MEF2C: variants seen among roughly 807,000 people sequenced by gnomAD.
MEF2C encodes myocyte-specific enhancer factor 2C.
In MEF2C, 6 loss-of-function variants were observed where a neutral mutation model predicts 50.5. The ratio of observed to expected loss-of-function variants is 0.12; its 90% CI spans 0.07 to 0.23. The LOEUF is 0.23. Ranked by LOEUF, MEF2C falls within the 10% of genes least tolerant of loss-of-function variation. The pLI is 1.00. For synonymous variants in MEF2C, 183 were observed against 228.0 expected, an observed-to-expected ratio of 0.80 and a Z score of 1.78; for missense variants, 276 against 605.0, an observed-to-expected ratio of 0.46 and a Z score of 5.70.
intron 3 of MEF2C, among the ~76,000 whole-genome samples, chr5:88,787,707 A>C (rs1464448732): frequency 6.6e-6 from 1 of 152,238 alleles, no homozygotes; most frequent in Non-Finnish European, 1.5e-5. Context: ...AACTACAGTT[A>C]AGGAAAACCA....
At chr5:88,740,917 T>C (rs888083003) in intron 6 of MEF2C, 2 of 985,318 alleles carry the variant, frequency 2.0e-6, no homozygotes, top group African/African-American at 3.5e-5. Flanking sequence ...CTTTCAGTCA[T>C]TTTTATAAAC....
At chr5:88,900,064 C>T (rs746170040) in intron 1 of MEF2C, among the ~76,000 whole-genome samples, 9 of 151,828 alleles carry the variant, frequency 5.9e-5, no homozygotes, top group Non-Finnish European at 1.0e-4. Context: ...GTTCCAAAGC[C>T]CAGGACTAAA....
intron 1 of MEF2C, chr5:88,844,787 T>C (rs1818712440): frequency 6.4e-6 from 1 of 156,762 alleles, no homozygotes; most frequent in Non-Finnish European, 1.4e-5. Context: ...GGATAAGATA[T>C]CTCTAATTTT....
At chr5:88,816,243 A>C (rs779649207) in intron 2 of MEF2C, among the ~76,000 whole-genome samples, 1 of 152,036 alleles carries the variant, frequency 6.6e-6, no homozygotes, top group Non-Finnish European at 1.5e-5. Context: ...AGTTGGAGCA[A>C]TATCTTTCTG....
chr5:88,750,176 G>T, intron 5 of MEF2C: 4 of 767,270 alleles, frequency 5.2e-6, no homozygotes, highest in Non-Finnish European at 6.3e-6. Context: ...AAAAGAAAAT[G>T]TTTGTTTATA....
intron 3 of MEF2C, among the ~76,000 whole-genome samples, chr5:88,802,848 C>CA (rs1327644767): frequency 6.6e-6 from 1 of 152,184 alleles, no homozygotes; most frequent in Non-Finnish European, 1.5e-5. Context: ...TTTAAGAAAG[C>CA]AAATTTTAGA....
intron 5 of MEF2C, chr5:88,751,375 C>T (rs112354211): frequency 2.4e-4 from 234 of 985,286 alleles, no homozygotes; most frequent in Non-Finnish European, 2.7e-4. Flanking sequence ...ATCATATTTC[C>T]TTTCTGCCTA....
chr5:88,759,775 T>C (rs1248778067), intron 4 of MEF2C, among the ~76,000 whole-genome samples: 1 of 152,238 alleles, frequency 6.6e-6, no homozygotes, highest in Non-Finnish European at 1.5e-5. Flanking sequence ...TGACATTTCA[T>C]TTAACAAAAG....
chr5:88,815,995 T>C (rs1259278890), intron 2 of MEF2C, among the ~76,000 whole-genome samples: 1 of 152,074 alleles, frequency 6.6e-6, no homozygotes, highest in Non-Finnish European at 1.5e-5. Context: ...AGTATCAACT[T>C]TCTTCACAAA....
At chr5:88,890,585 A>T (rs544597222) in intron 1 of MEF2C, among the ~76,000 whole-genome samples, 1 of 152,208 alleles carries the variant, frequency 6.6e-6, no homozygotes, top group Non-Finnish European at 1.5e-5. Context: ...GGACAGCGAC[A>T]TGTCAAACGT....
chr5:88,858,442 G>A (rs927668733), intron 1 of MEF2C, among the ~76,000 whole-genome samples: 2 of 152,186 alleles, frequency 1.3e-5, no homozygotes, highest in Admixed American at 6.5e-5. Flanking sequence ...CATGGGCCTT[G>A]GCTGCATTTA....
rs1259504949 is a variant in MEF2C, at chr5:88,722,712, A to C, written c.1314T>G (p.Asp438Glu). The C allele has an allele frequency of 6.2e-7, 1 of 1,613,678 alleles. No homozygotes were observed. Residue 438 changes from aspartate (D) to glutamate (E), a missense_variant, in exon 11 of 11, where the codon GAT becomes GAG. By Grantham distance (45) the Asp-to-Glu change is conservative. Coordinates refer to ENST00000504921, the MANE Select transcript of MEF2C (RefSeq NM_002397.5). Reference protein sequence around the residue: ...SSSYDGSDREDHRNEFHSPIG... With the variant: ...SSSYDGSDREEHRNEFHSPIG... The stretch of plus-strand genomic sequence containing the variant: ...TGGGGGAGTGGAATTCGTTCCGGTG[A>C]TCCTCTCGGTCGCTCCCGTCGTACG...
intron 3 of MEF2C, chr5:88,768,711 A>G: frequency 2.0e-6 from 2 of 985,108 alleles, no homozygotes; most frequent in Non-Finnish European, 2.4e-6. Flanking sequence ...AGAGGGAGGA[A>G]GATTAGTCTC....
At chr5:88,738,051 A>G in intron 6 of MEF2C, 1 of 985,376 alleles carries the variant, frequency 1.0e-6, no homozygotes, top group South Asian at 4.7e-5. Flanking sequence ...GGCAGCGCAG[A>G]GAGAAAGGTT....
chr5:88,874,678 TATC>T (rs976711684), intron 1 of MEF2C, among the ~76,000 whole-genome samples: 15 of 151,902 alleles, frequency 9.9e-5, no homozygotes, highest in African/African-American at 3.6e-4. Flanking sequence ...TAATTAAAAT[TATC>T]ATTCTTATCT....
At chr5:88,783,683 CAAG>C (rs1451127692) in intron 3 of MEF2C, among the ~76,000 whole-genome samples, 1 of 152,066 alleles carries the variant, frequency 6.6e-6, no homozygotes, top group African/African-American at 2.4e-5. Flanking sequence ...GTAATTTGCC[CAAG>C]GACATATAGA....
intron 3 of MEF2C, chr5:88,768,773 T>C (rs1215198516): frequency 1.4e-6 from 1 of 729,568 alleles, no homozygotes; most frequent in African/African-American, 1.9e-5. Context: ...ATTACTACCA[T>C]TTCACACTAC....
At chr5:88,751,793 T>C (rs1772873577) in intron 5 of MEF2C, 64 bp downstream of exon 5, 2 of 1,531,418 alleles carry the variant, frequency 1.3e-6, no homozygotes, top group Non-Finnish European at 9.0e-7. Flanking sequence ...TAAAGCAGTG[T>C]TGGCTTTGCC....
At chr5:88,825,044 T>C (rs1005264551) in intron 1 of MEF2C, 1 of 151,944 alleles carries the variant, frequency 6.6e-6, no homozygotes, top group Non-Finnish European at 1.5e-5. Flanking sequence ...CTTTACACAC[T>C]GCTCAGAATT....
Sources: gnomAD v4.1 joint callset for allele counts (sites outside exome capture counted in the v4.1 genomes callset) on GRCh38, gnomAD v4.1.1 for gene constraint, MANE v1.5 for transcripts, NCBI Gene and HGNC (gene_info 2026-07-23, HGNC 2026-07-21) for gene names.